ELF2: variants seen among roughly 807,000 people sequenced by gnomAD.
ELF2 encodes the protein ETS-related transcription factor Elf-2.
Under a neutral mutation model 54.8 loss-of-function variants are expected in ELF2, and 11 were observed. The observed-to-expected ratio is 0.20, with a 90% CI of 0.13 to 0.33. The LOEUF (loss-of-function observed/expected upper bound fraction) is 0.33, where lower values mean the gene tolerates loss of function less well. Among genes scored for constraint, ELF2 ranks in the 10% least tolerant of loss-of-function variants. The pLI is 1.00. For missense variants in ELF2, 513 were observed against 703.0 expected (o/e 0.73, Z 3.06); for synonymous variants, 203 against 245.1 (o/e 0.83, Z 1.61).
At chr4:139,157,722 G>T (rs957487221) in intron 1 of ELF2, among the ~76,000 whole-genome samples, 8 of 152,118 alleles carry the variant, frequency 5.3e-5, no homozygotes, top group Admixed American at 1.3e-4. Context: ...ATATTTTGAT[G>T]CTTCCTTTAT....
chr4:139,098,149 T>C (rs1256279688), intron 4 of ELF2, among the ~76,000 whole-genome samples: 1 of 152,248 alleles, frequency 6.6e-6, no homozygotes, highest in Admixed American at 6.5e-5. Context: ...ATTTACGAAG[T>C]TTGTTAAGCC....
intron 1 of ELF2, among the ~76,000 whole-genome samples, chr4:139,168,577 G>C (rs534626753): frequency 1.3e-5 from 2 of 152,240 alleles, no homozygotes; most frequent in South Asian, 4.1e-4. Context: ...AAATGTGACT[G>C]AAAGGGTCCT....
intron 1 of ELF2, among the ~76,000 whole-genome samples, chr4:139,157,631 T>C (rs548150838): frequency 1.8e-4 from 27 of 152,284 alleles, no homozygotes; most frequent in Non-Finnish European, 2.4e-4. Context: ...CTGAAACTCC[T>C]GGCTTCAAGC....
intron 4 of ELF2, among the ~76,000 whole-genome samples, chr4:139,094,629 A>C (rs933296346): frequency 1.5e-4 from 23 of 152,210 alleles, no homozygotes; most frequent in Non-Finnish European, 3.2e-4. Flanking sequence ...CATTTATATA[A>C]ATTTTAATTA....
rs1246230651 is a variant in ELF2 at position 139,085,610 on chromosome 4, T to C, written c.239-12043A>G. ...TATTCATTTATTCTCTTGGTCCTTT[T>C]ACCCTACCCCTATCACCATGATCCT... On this transcript the variant is annotated intron_variant, in intron 4 of 9. Transcript: ENST00000686138. 3.3e-5 allele frequency among the ~76,000 whole-genome samples: 5 copies of C among 152,340 alleles called. No individual in the cohort carries two copies. The South Asian group carries it at 8.3e-4, about 25-fold the overall frequency.
intron 4 of ELF2, among the ~76,000 whole-genome samples, chr4:139,074,620 C>T (rs1445033400): frequency 6.6e-6 from 1 of 151,652 alleles, no homozygotes; most frequent in Non-Finnish European, 1.5e-5. Flanking sequence ...ATTAGCCGGG[C>T]GTGGTGGCGG....
intron 4 of ELF2, among the ~76,000 whole-genome samples, chr4:139,079,923 T>TA (rs1274106733): frequency 9.2e-5 from 14 of 152,016 alleles, no homozygotes; most frequent in Admixed American, 3.3e-4. Flanking sequence ...AAAATAAATG[T>TA]AAAAAAAATA....
intron 3 of ELF2, among the ~76,000 whole-genome samples, chr4:139,129,301 C>G (rs913428344): frequency 5.3e-5 from 8 of 152,176 alleles, no homozygotes; most frequent in African/African-American, 1.9e-4. Flanking sequence ...CAAGTCTAGC[C>G]AACTTAGTGA....
At chr4:139,099,834 TAACAG>T (rs1733687567) in intron 4 of ELF2, among the ~76,000 whole-genome samples, 1 of 152,096 alleles carries the variant, frequency 6.6e-6, no homozygotes, top group Non-Finnish European at 1.5e-5. Flanking sequence ...TGATAAAAAA[TAACAG>T]AACAGTCCTA....
At chr4:139,175,591 A>C (rs540996615) in intron 1 of ELF2, among the ~76,000 whole-genome samples, 61 of 152,246 alleles carry the variant, frequency 4.0e-4, no homozygotes, top group Admixed American at 7.9e-4. Context: ...ACAAATATCC[A>C]ATCCTTTCTT....
chr4:139,059,752 G>C (rs1312146547), intron 9 of ELF2, 145 bp from the exon 10 acceptor site: 1 of 887,038 alleles, frequency 1.1e-6, no homozygotes, highest in African/African-American at 1.7e-5. Context: ...CCTGATGTTT[G>C]ACACAAACAT....
intron 4 of ELF2, among the ~76,000 whole-genome samples, chr4:139,117,231 A>C (rs1303850400): frequency 1.3e-5 from 2 of 152,222 alleles, no homozygotes; most frequent in Non-Finnish European, 1.5e-5. Context: ...AGCAAAGATT[A>C]ATCAGTCTGC....
At chr4:139,175,247 A>C (rs921341911) in intron 1 of ELF2, among the ~76,000 whole-genome samples, 12 of 152,130 alleles carry the variant, frequency 7.9e-5, no homozygotes, top group African/African-American at 2.7e-4. Flanking sequence ...AAAAATCCCA[A>C]AGTTACAAAT....
At chr4:139,152,868 G>T (rs150692017) in intron 1 of ELF2, among the ~76,000 whole-genome samples, 2 of 146,378 alleles carry the variant, frequency 1.4e-5, no homozygotes, top group East Asian at 3.9e-4. Context: ...TATAAATACA[G>T]CATCAATAAC....
At chr4:139,155,450 CAAT>C (rs1266503569) in intron 1 of ELF2, 1 of 152,098 alleles carries the variant, frequency 6.6e-6, no homozygotes, top group African/African-American at 2.4e-5. Flanking sequence ...TCTCGGAAAA[CAAT>C]AATTAAGAAG....
chr4:139,085,309 AGTT>A (rs1169213073), intron 4 of ELF2, among the ~76,000 whole-genome samples: 2 of 152,228 alleles, frequency 1.3e-5, no homozygotes, highest in South Asian at 2.1e-4. Context: ...GTTATGCTAA[AGTT>A]GTCTGCACAC....
chr4:139,104,508 CAAA>C (rs34642901), intron 4 of ELF2, among the ~76,000 whole-genome samples: 1 of 76,902 alleles, frequency 1.3e-5, no homozygotes, highest in Non-Finnish European at 2.6e-5. Context: ...GACTCTGTCT[CAAA>C]AAAAAAAAAA....
At chr4:139,131,541 A>G in intron 3 of ELF2, among the ~76,000 whole-genome samples, 1 of 152,192 alleles carries the variant, frequency 6.6e-6, no homozygotes, top group South Asian at 2.1e-4. Flanking sequence ...AAGATAATAA[A>G]ATTCAGGAGT....
intron 4 of ELF2, among the ~76,000 whole-genome samples, chr4:139,079,887 CAG>C (rs976628694): frequency 6.6e-6 from 1 of 152,132 alleles, no homozygotes; most frequent in Non-Finnish European, 1.5e-5. Flanking sequence ...GGCTGGGCGA[CAG>C]AGGGAGACTC....
Sources: gnomAD v4.1 joint callset for allele counts (sites outside exome capture counted in the v4.1 genomes callset) on GRCh38, gnomAD v4.1.1 for gene constraint, MANE v1.5 for transcripts, NCBI Gene and HGNC (gene_info 2026-07-23, HGNC 2026-07-21) for gene names.